Variants in AFF3 observed in about 807,000 individuals in gnomAD.
The protein encoded by AFF3 is ALF transcription elongation factor 3.
AFF3 carries 32 observed loss-of-function variants against 129.7 expected under a neutral mutation model. The ratio of observed to expected loss-of-function variants is 0.25; its 90% confidence interval spans 0.19 to 0.33. AFF3 has a LOEUF of 0.33. AFF3 is among the 10% of genes least tolerant of loss of function. AFF3 has a pLI of 1.00. For synonymous variants in AFF3, 644 were observed against 635.4 expected (o/e 1.01, Z -0.20); for missense variants, 1,373 against 1,592.0 (o/e 0.86, Z 2.34).
chr2:99,578,554 A>G, intron 17 of AFF3, 103 bp from the exon 18 acceptor site: 1 of 1,508,812 alleles, frequency 6.6e-7, no homozygotes, highest in Non-Finnish European at 8.9e-7. Flanking sequence ...TCTACAGAAC[A>G]TCTTTGTGTG....
intron 12 of AFF3, among the ~76,000 whole-genome samples, chr2:99,654,067 A>G (rs1380556913): frequency 6.6e-6 from 1 of 151,990 alleles, no homozygotes; most frequent in Non-Finnish European, 1.5e-5. Context: ...TTTAGTAGAG[A>G]CGGGGTTTCA....
chr2:99,807,029 G>A (rs890234843), intron 8 of AFF3, among the ~76,000 whole-genome samples: 6 of 152,162 alleles, frequency 3.9e-5, no homozygotes, highest in African/African-American at 9.7e-5. Flanking sequence ...CATGGCATTC[G>A]TCTCAGCCTA....
chr2:99,931,227 A>G (rs891315012), intron 7 of AFF3, among the ~76,000 whole-genome samples: 3 of 152,238 alleles, frequency 2.0e-5, no homozygotes, highest in African/African-American at 7.2e-5. Flanking sequence ...AGGACTTAAC[A>G]GTCATCCATT....
intron 7 of AFF3, among the ~76,000 whole-genome samples, chr2:99,958,076 A>G (rs2104285027): frequency 6.6e-6 from 1 of 152,258 alleles, no homozygotes; most frequent in South Asian, 2.1e-4. Context: ...TTTTAGACAC[A>G]CCTACAAGAG....
At chr2:99,617,899 G>C (rs1301123996) in intron 13 of AFF3, among the ~76,000 whole-genome samples, 1 of 152,166 alleles carries the variant, frequency 6.6e-6, no homozygotes, top group Non-Finnish European at 1.5e-5. Context: ...TAGTGGAGGA[G>C]AGAGGTTGAA....
chr2:99,684,823 T>C (rs1268564048), intron 11 of AFF3, among the ~76,000 whole-genome samples: 2 of 151,954 alleles, frequency 1.3e-5, no homozygotes, highest in Non-Finnish European at 2.9e-5. Flanking sequence ...CTTTGCATAT[T>C]TTCTCTGATA....
intron 11 of AFF3, among the ~76,000 whole-genome samples, chr2:99,722,939 A>T (rs909874038): frequency 5.3e-5 from 8 of 152,198 alleles, no homozygotes; most frequent in African/African-American, 1.9e-4. Context: ...CTATATAAAC[A>T]TAGTTCTCAC....
intron 11 of AFF3, among the ~76,000 whole-genome samples, chr2:99,679,901 C>A (rs1411867492): frequency 6.6e-6 from 1 of 152,192 alleles, no homozygotes; most frequent in African/African-American, 2.4e-5. Flanking sequence ...AGGAAGACTG[C>A]TGGAGAATGA....
At chr2:99,981,181 G>A (rs1679366139) in intron 7 of AFF3, among the ~76,000 whole-genome samples, 1 of 152,034 alleles carries the variant, frequency 6.6e-6, no homozygotes, top group Admixed American at 6.6e-5. Flanking sequence ...ACCATGCCCG[G>A]CTAATTTTGT....
At chr2:99,652,227 C>T (rs867858236) in intron 12 of AFF3, among the ~76,000 whole-genome samples, 3 of 152,268 alleles carry the variant, frequency 2.0e-5, no homozygotes, top group East Asian at 1.9e-4. Context: ...CTGGGCTAGA[C>T]GGCACAGCAG....
intron 4 of AFF3, among the ~76,000 whole-genome samples, chr2:100,061,101 T>C (rs983895848): frequency 2.6e-5 from 4 of 152,162 alleles, no homozygotes; most frequent in African/African-American, 9.7e-5. Flanking sequence ...CCTGTCAAGG[T>C]GTGACATAGT....
rs1007500504 is a variant in AFF3 at position 100,105,557 on chromosome 2, C to G, written c.-118G>C. On this transcript the variant is annotated 5_prime_UTR_variant, in exon 3 of 25. Coordinates refer to ENST00000672756, the MANE Select transcript of AFF3 (RefSeq NM_001386135.1). ...TGTCGACTTCAAACTTGCCGCCCGT[C>G]TCCGGTCTGGAAAGGCAGGTGATCA... 79 of 1,332,412 alleles carry G rather than the reference C, an allele frequency of 5.9e-5. No individual in the cohort carries two copies. Among genetic ancestry groups the G allele is most frequent in the Non-Finnish European group, 7.9e-5 (79 of 1,005,252 alleles). 82.5% of individuals were successfully genotyped at this position (1,332,412 alleles called of 1,614,324 possible). A position where few individuals can be genotyped will look rare whatever the true frequency, so the allele number is the denominator to read the frequency against.
At chr2:100,119,135 G>T (rs1009871472) in intron 2 of AFF3, among the ~76,000 whole-genome samples, 1 of 152,170 alleles carries the variant, frequency 6.6e-6, no homozygotes, top group African/African-American at 2.4e-5. Flanking sequence ...TAGTCTTAAT[G>T]CATACCTTCA....
At chr2:100,012,389 C>A (rs1383562739) in intron 4 of AFF3, among the ~76,000 whole-genome samples, 5 of 152,168 alleles carry the variant, frequency 3.3e-5, no homozygotes, top group Admixed American at 2.6e-4. Flanking sequence ...AGCACAAGCC[C>A]CCCACCACAT....
intron 19 of AFF3, among the ~76,000 whole-genome samples, 195 bp from the exon 20 acceptor site, chr2:99,565,818 C>T (rs1482726750): frequency 1.3e-5 from 2 of 152,170 alleles, no homozygotes; most frequent in South Asian, 2.1e-4. Context: ...AGTAAGTGAG[C>T]GAACAGTTAT....
intron 3 of AFF3, chr2:100,105,114 G>A (rs1311982851): frequency 2.4e-5 from 4 of 166,394 alleles, no homozygotes; most frequent in Non-Finnish European, 2.4e-5. Flanking sequence ...GGGGGGATGC[G>A]GAGCCGTGCC....
chr2:100,016,856 G>A (rs1047236822), intron 4 of AFF3, among the ~76,000 whole-genome samples: 13 of 151,108 alleles, frequency 8.6e-5, no homozygotes, highest in African/African-American at 2.9e-4. Context: ...TGGTGATGAA[G>A]GTGGTGATCG....
intron 11 of AFF3, among the ~76,000 whole-genome samples, chr2:99,691,046 A>G (rs1675607144): frequency 6.6e-6 from 1 of 152,142 alleles, no homozygotes; most frequent in African/African-American, 2.4e-5. Flanking sequence ...TCTAGGGCCC[A>G]GAGGACCAGT....
chr2:99,548,805 G>A lies in AFF3; in HGVS notation c.*2669C>T, dbSNP rs1327234701. The A allele has an allele frequency of 8.6e-6, 2 of 232,464 alleles. No homozygotes were observed. Among genetic ancestry groups the A allele is most frequent in the African/African-American group, 4.4e-5 (2 of 45,288 alleles). 14.4% of individuals were successfully genotyped at this position (232,464 alleles called of 1,614,324 possible). ...AAACTAAGTAAAAGGAACAAGTTAT[G>A]AATGACTTTCACAAGCAACAATTGG... On this transcript the variant is annotated 3_prime_UTR_variant, in exon 25 of 25. Coordinates refer to ENST00000672756, the MANE Select transcript of AFF3 (RefSeq NM_001386135.1).
Sources: allele counts gnomAD v4.1 joint callset (sites outside exome capture counted in the v4.1 genomes callset), GRCh38; gene constraint gnomAD v4.1.1; transcripts MANE v1.5; gene names NCBI Gene and HGNC (gene_info 2026-07-23, HGNC 2026-07-21).